Variants in PIEZO2 observed in about 807,000 individuals in gnomAD.
PIEZO2 encodes piezo type mechanosensitive ion channel component 2.
PIEZO2 carries 172 observed loss-of-function variants against 337.3 expected under a neutral mutation model. The ratio of observed to expected loss-of-function variants is 0.51; its 90% CI spans 0.45 to 0.58. PIEZO2 has a LOEUF of 0.58. PIEZO2 is among the 20% of genes least tolerant of loss of function. The pLI is 0.00. For synonymous variants in PIEZO2, 1,251 were observed against 1,228.5 expected, an observed-to-expected ratio of 1.02 and a Z score of -0.38; for missense variants, 3,028 against 3,391.3, an observed-to-expected ratio of 0.89 and a Z score of 2.66.
intron 1 of PIEZO2, among the ~76,000 whole-genome samples, chr18:11,089,875 C>T (rs143497379): frequency 1.3e-5 from 2 of 152,200 alleles, no homozygotes; most frequent in Non-Finnish European, 2.9e-5. Context: ...CCTGACCTAG[C>T]CTCTGATAAA....
chr18:10,784,326 G>GT lies in PIEZO2; in HGVS notation c.2492+457dup, dbSNP rs369261596. Among the ~76,000 whole-genome samples the GT allele has an allele frequency of 2.9e-3, 437 of 152,230 alleles. 1 individual carries two copies. Among genetic ancestry groups the GT allele is most frequent in the African/African-American group, 9.4e-3 (391 of 41,538 alleles). On this transcript the variant is annotated intron_variant, in intron 17 of 55. Coordinates refer to ENST00000674853, the MANE Select transcript of PIEZO2 (RefSeq NM_001378183.1). This position sits in a 1 kb window ranked among gnomAD's most constrained non-coding sequence, Gnocchi z 4.5. Reference sequence around the variant, plus strand: ...TAGTTACTAGTCAATTGCAGATTCTGTTTTTTCAGCCAAAGTTCTTTATTT... The same window carrying GT: ...TAGTTACTAGTCAATTGCAGATTCTGTTTTTTTCAGCCAAAGTTCTTTATTT...
At chr18:10,679,233 C>A (rs2034154138) in intron 52 of PIEZO2, among the ~76,000 whole-genome samples, 1 of 152,160 alleles carries the variant, frequency 6.6e-6, no homozygotes, top group African/African-American at 2.4e-5. Flanking sequence ...CACAATCGGC[C>A]TGAAATTTCT....
intron 36 of PIEZO2, chr18:10,725,028 C>T (rs1250071261): frequency 1.9e-6 from 3 of 1,585,198 alleles, no homozygotes; most frequent in East Asian, 4.5e-5. Context: ...GCAAGAGCCC[C>T]TGCATGTTGG....
chr18:11,052,606 TGAAA>T (rs1310452671), intron 2 of PIEZO2, among the ~76,000 whole-genome samples: 2 of 152,312 alleles, frequency 1.3e-5, no homozygotes, highest in East Asian at 3.9e-4. Context: ...ATTGCTACAT[TGAAA>T]GAGTTACCAC....
At position 10,673,556 on chromosome 18, in the gene PIEZO2, G is replaced by T. The variant is rs550914933; in HGVS notation, c.8162-683C>A. Among the ~76,000 whole-genome samples, 58 of 152,318 alleles carry T rather than the reference G, an allele frequency of 3.8e-4. 2 individuals are homozygous for T. In the South Asian group the frequency reaches 4.6e-3, roughly 12 times the overall value. Reference sequence around the variant, plus strand: ...ATTTCAGGAAGAGTGATGGGACACAGCTCAGCAAATCTCTGAGAACCATAA... The same window carrying T: ...ATTTCAGGAAGAGTGATGGGACACATCTCAGCAAATCTCTGAGAACCATAA... On this transcript the variant is annotated intron_variant, in intron 54 of 55. Transcript: ENST00000674853. The surrounding 1 kb of genome is among the most constrained non-coding windows in gnomAD (Gnocchi z 4.8).
intron 7 of PIEZO2, among the ~76,000 whole-genome samples, chr18:10,831,683 T>C (rs1223109926): frequency 6.6e-6 from 1 of 152,220 alleles, no homozygotes; most frequent in East Asian, 1.9e-4. Flanking sequence ...TGATAAATGC[T>C]TGAGGTGATG....
At chr18:10,721,321 G>A (rs924602687) in intron 36 of PIEZO2, among the ~76,000 whole-genome samples, 4 of 152,244 alleles carry the variant, frequency 2.6e-5, no homozygotes, top group African/African-American at 9.6e-5. Flanking sequence ...CACTTCAGAA[G>A]AATGGGATCC....
intron 2 of PIEZO2, among the ~76,000 whole-genome samples, chr18:11,049,619 A>G (rs1043163280): frequency 1.3e-5 from 2 of 152,104 alleles, no homozygotes; most frequent in East Asian, 3.9e-4. Context: ...TGTGGGAGGG[A>G]CGTGGTGGAA....
intron 3 of PIEZO2, among the ~76,000 whole-genome samples, chr18:10,927,403 A>C (rs1297747938): frequency 2.0e-5 from 3 of 152,166 alleles, no homozygotes; most frequent in Non-Finnish European, 4.4e-5. Context: ...GTTGCAGCGC[A>C]GGCCGTGGGT....
chr18:10,806,998 G>C, intron 8 of PIEZO2, 114 bp downstream of exon 8: 1 of 1,059,294 alleles, frequency 9.4e-7, no homozygotes, highest in Non-Finnish European at 1.3e-6. Flanking sequence ...CAGAACACTA[G>C]AGTTGTGTTG....
rs1158060048 is a variant in PIEZO2, at chr18:10,750,243, G to A, written c.4168-56C>T. The A allele has an allele frequency of 2.3e-6, 3 of 1,296,304 alleles. No individual in the cohort carries two copies. Among genetic ancestry groups the A allele is most frequent in the Admixed American group, 2.0e-5 (1 of 50,546 alleles). The allele number at this position is 1,296,304 out of a possible 1,614,324, so 80.3% of individuals were successfully genotyped here. On this transcript the variant is annotated intron_variant, in intron 28 of 55. Coordinates refer to ENST00000674853, the MANE Select transcript of PIEZO2 (RefSeq NM_001378183.1). The surrounding 1 kb of genome is among the most constrained non-coding windows in gnomAD (Gnocchi z 4.1). ...AGCTCTGCAGCCAGAAAAAAAAGTG[G>A]TGTTTTATGATCCCAACATGTGCAA...
intron 1 of PIEZO2, among the ~76,000 whole-genome samples, chr18:11,091,725 G>A (rs78544120): frequency 0.02 from 3,059 of 152,248 alleles, 104 homozygotes; most frequent in African/African-American, 0.066. Context: ...AAAGGGGTTT[G>A]TTCTTGTTCA....
At chr18:10,858,321 C>CAAAA (rs11361243) in intron 5 of PIEZO2, among the ~76,000 whole-genome samples, 656 of 55,978 alleles carry the variant, frequency 0.012, no homozygotes, top group Non-Finnish European at 0.016. Context: ...GACTTCAACC[C>CAAAA]AAAAAAAAAA....
Position 10,973,899 on chromosome 18 carries a change from A to ATC in PIEZO2, c.286+5635_286+5636insGA. On this transcript the variant is annotated intron_variant, in intron 3 of 55. Coordinates refer to ENST00000674853, the MANE Select transcript of PIEZO2 (RefSeq NM_001378183.1). This position sits in a 1 kb window ranked among gnomAD's most constrained non-coding sequence, Gnocchi z 4.9. ...CTCCAGGGTACTGTCTCAAATATGA[A>ATC]AAATTAACATCAAGAATTTCATTTG... Among the ~76,000 whole-genome samples, 1 of 152,196 alleles carries ATC rather than the reference A, an allele frequency of 6.6e-6. No individual in the cohort carries two copies. The highest frequency in any genetic ancestry group is 2.4e-5 in the African/African-American group (1 of 41,438).
chr18:10,762,771 G>A (rs2038191217), intron 22 of PIEZO2, 146 bp from the exon 23 acceptor site: 1 of 1,315,892 alleles, frequency 7.6e-7, no homozygotes, highest in Non-Finnish European at 1.0e-6. Flanking sequence ...TATGAGACGA[G>A]GCTTAACACA....
At position 11,031,831 on chromosome 18, in the gene PIEZO2, T is replaced by C. The variant is rs746667741; in HGVS notation, c.160+34296A>G. Among the ~76,000 whole-genome samples, 2 of 152,200 alleles carry C rather than the reference T, an allele frequency of 1.3e-5. No individual in the cohort carries two copies. Among genetic ancestry groups the C allele is most frequent in the Admixed American group, 6.5e-5 (1 of 15,284 alleles). ...GTGTTGGCAAGCTCAGGGCAATGGC[T>C]ATTTATTAATCTATTGGGTGTATTT... On this transcript the variant is annotated intron_variant, in intron 2 of 55. Coordinates refer to ENST00000674853, the MANE Select transcript of PIEZO2 (RefSeq NM_001378183.1). The surrounding 1 kb of genome is among the most constrained non-coding windows in gnomAD (Gnocchi z 4.7).
intron 36 of PIEZO2, chr18:10,725,481 G>A: frequency 1.3e-6 from 2 of 1,518,202 alleles, no homozygotes; most frequent in Non-Finnish European, 1.8e-6. Context: ...GGGTATCCGG[G>A]TGGATGGGTA....
rs986986098 is a variant in PIEZO2, at chr18:11,110,623, C to T, written c.64+37902G>A. Among the ~76,000 whole-genome samples, 3 of 152,160 alleles carry T rather than the reference C, an allele frequency of 2.0e-5. No homozygotes were observed. Among genetic ancestry groups the T allele is most frequent in the Non-Finnish European group, 2.9e-5 (2 of 68,028 alleles). ...TGGTGGGCAGGGGAGCAGGTGGAGC[C>T]GGTGAGCAGCCCCAGGCCAGGCTAG... On this transcript the variant is annotated intron_variant, in intron 1 of 55. Transcript: ENST00000674853. This position sits in a 1 kb window ranked among gnomAD's most constrained non-coding sequence, Gnocchi z 4.2.
rs1285576017 is a variant in PIEZO2, at chr18:10,726,754, C to T, written c.5029+4653G>A. The T allele has an allele frequency of 1.6e-5, 24 of 1,485,974 alleles. No individual in the cohort carries two copies. The highest frequency in any genetic ancestry group is 2.2e-5 in the Non-Finnish European group (23 of 1,066,736). The allele number at this position is 1,485,974 out of a possible 1,614,324, so 92.0% of individuals were successfully genotyped here. On this transcript the variant is annotated intron_variant, in intron 36 of 55. Transcript: ENST00000674853. This position sits in a 1 kb window ranked among gnomAD's most constrained non-coding sequence, Gnocchi z 5.9. ...ACATCGCCAGACCATCGATTTCCCG[C>T]TGCTGACCTCACTGGGCAAGGTGTC... is the stretch of plus-strand genomic sequence containing the variant.
Sources: allele counts gnomAD v4.1 joint callset (sites outside exome capture counted in the v4.1 genomes callset), GRCh38; gene constraint gnomAD v4.1.1; non-coding constraint Gnocchi (gnomAD v3.1); transcripts MANE v1.5; gene names NCBI Gene and HGNC (gene_info 2026-07-23, HGNC 2026-07-21).